The following ABCB1 variants were observed in gnomAD, a reference collection of about 807,000 sequenced individuals.
ABCB1 encodes the protein ATP-dependent translocase ABCB1.
Under a neutral mutation model 142.0 loss-of-function variants are expected in ABCB1, and 69 were observed. That is an observed-to-expected ratio of 0.49 (90% CI 0.40 to 0.59). The LOEUF (loss-of-function observed/expected upper bound fraction) is 0.59, where lower values mean the gene tolerates loss of function less well. Among genes scored for constraint, ABCB1 ranks in the 20% least tolerant of loss-of-function variants. ABCB1 has a pLI of 0.00. For synonymous variants in ABCB1, 532 were observed against 539.2 expected, an observed-to-expected ratio of 0.99 and a Z score of 0.18; for missense variants, 1,326 against 1,554.7, an observed-to-expected ratio of 0.85 and a Z score of 2.47.
intron 1 of ABCB1, among the ~76,000 whole-genome samples, chr7:87,615,031 G>C (rs1819987205): frequency 6.6e-6 from 1 of 152,218 alleles, no homozygotes; most frequent in Middle Eastern, 3.4e-3. Flanking sequence ...ATTTTTAGTA[G>C]AGACGGGGTT....
chr7:87,558,509 T>C (rs2129760934), intron 8 of ABCB1, among the ~76,000 whole-genome samples: 1 of 152,322 alleles, frequency 6.6e-6, no homozygotes, highest in Non-Finnish European at 1.5e-5. Flanking sequence ...TTACTGTTTT[T>C]CTTTTTCGTT....
chr7:87,661,332 G>T (rs1300009744), intron 1 of ABCB1, among the ~76,000 whole-genome samples: 1 of 151,576 alleles, frequency 6.6e-6, no homozygotes, highest in Non-Finnish European at 1.5e-5. Flanking sequence ...TCACCCTGTT[G>T]TGTGATCAAA....
At chr7:87,511,859 G>A (rs1815026159) in intron 25 of ABCB1, among the ~76,000 whole-genome samples, 1 of 152,298 alleles carries the variant, frequency 6.6e-6, no homozygotes, top group South Asian at 2.1e-4. Flanking sequence ...ATCCCAAAGG[G>A]GGTTCTGACT....
At chr7:87,672,400 C>T (rs1825914384) in intron 1 of ABCB1, among the ~76,000 whole-genome samples, 1 of 152,178 alleles carries the variant, frequency 6.6e-6, no homozygotes, top group Non-Finnish European at 1.5e-5. Context: ...CCCCTGGACG[C>T]TCCTCCCTAG....
intron 1 of ABCB1, among the ~76,000 whole-genome samples, chr7:87,711,141 A>G (rs908502496): frequency 1.3e-5 from 2 of 152,042 alleles, no homozygotes; most frequent in South Asian, 4.1e-4. Flanking sequence ...AGCCTGACCA[A>G]CATGGATAAA....
intron 1 of ABCB1, among the ~76,000 whole-genome samples, chr7:87,614,222 C>A (rs1275618510): frequency 2.0e-5 from 3 of 151,952 alleles, no homozygotes; most frequent in Non-Finnish European, 4.4e-5. Context: ...ATAGTGAGAC[C>A]CTGTCTCTAA....
intron 1 of ABCB1, among the ~76,000 whole-genome samples, chr7:87,654,426 C>T (rs1249316534): frequency 1.3e-5 from 2 of 151,940 alleles, no homozygotes; most frequent in African/African-American, 4.8e-5. Flanking sequence ...CAAATAAATC[C>T]ATGCATTTCT....
chr7:87,637,759 C>A (rs1025093800), intron 1 of ABCB1, among the ~76,000 whole-genome samples: 1 of 152,026 alleles, frequency 6.6e-6, no homozygotes, highest in South Asian at 2.1e-4. Context: ...AAATACTGGT[C>A]TTATATCTAA....
intron 1 of ABCB1, among the ~76,000 whole-genome samples, chr7:87,618,757 C>G (rs1055882428): frequency 6.6e-6 from 1 of 152,160 alleles, no homozygotes; most frequent in Non-Finnish European, 1.5e-5. Context: ...GAAATCTAAT[C>G]ACATGAGCCC....
intron 19 of ABCB1, among the ~76,000 whole-genome samples, chr7:87,538,086 C>T: frequency 6.6e-6 from 1 of 152,154 alleles, no homozygotes; most frequent in Non-Finnish European, 1.5e-5. Flanking sequence ...AAGTACTAGA[C>T]CTTGTAAGCA....
At chr7:87,613,231 T>A (rs1444143466) in intron 1 of ABCB1, among the ~76,000 whole-genome samples, 1 of 151,076 alleles carries the variant, frequency 6.6e-6, no homozygotes, top group Non-Finnish European at 1.5e-5. Flanking sequence ...TGGCTTCCTC[T>A]TTTCCAATTT....
At chr7:87,577,766 T>C (rs777904172) in intron 4 of ABCB1, among the ~76,000 whole-genome samples, 3 of 152,210 alleles carry the variant, frequency 2.0e-5, no homozygotes, top group Non-Finnish European at 2.9e-5. Flanking sequence ...CATTTGTTAA[T>C]TGGAGATTTT....
intron 1 of ABCB1, among the ~76,000 whole-genome samples, chr7:87,619,456 T>C (rs1820144865): frequency 2.0e-5 from 3 of 151,770 alleles, no homozygotes; most frequent in Admixed American, 1.3e-4. Flanking sequence ...GGAGAATCAC[T>C]TGAACCCAGG....
Position 87,549,439 on chromosome 7 carries a change from A to G in ABCB1, c.1634T>C (p.Leu545Pro). The G allele has an allele frequency of 6.2e-7, 1 of 1,614,188 alleles. No individual in the cohort carries two copies. Residue 545 changes from leucine to proline, a missense_variant, in exon 14 of 28, where the codon CTG becomes CCG. Transcript: ENST00000622132. ...CAGGAGGATCTTGGGGTTGCGAACCAGGGCACGTGCAATGGCGATCCTCTG... is the reference window on the plus strand; with the variant it reads ...CAGGAGGATCTTGGGGTTGCGAACCGGGGCACGTGCAATGGCGATCCTCTG... The part of the protein sequence containing the change: ...QKQRIAIARA[L>P]VRNPKILLLD...
intron 1 of ABCB1, among the ~76,000 whole-genome samples, chr7:87,689,827 A>G (rs1403353724): frequency 6.6e-6 from 1 of 152,144 alleles, no homozygotes; most frequent in Non-Finnish European, 1.5e-5. Flanking sequence ...CTAGACGTCT[A>G]ATGATAAATT....
chr7:87,693,272 G>T (rs1158353568), intron 1 of ABCB1, among the ~76,000 whole-genome samples: 2 of 152,092 alleles, frequency 1.3e-5, no homozygotes, highest in Non-Finnish European at 2.9e-5. Flanking sequence ...GTTTTTGATA[G>T]AGTAGGCATT....
At chr7:87,676,445 A>G (rs1826364840) in intron 1 of ABCB1, among the ~76,000 whole-genome samples, 1 of 152,146 alleles carries the variant, frequency 6.6e-6, no homozygotes, top group Admixed American at 6.5e-5. Context: ...TCACACCTAT[A>G]ATTCCATCAC....
intron 7 of ABCB1, chr7:87,565,564 T>G: frequency 5.0e-6 from 2 of 399,108 alleles, no homozygotes; most frequent in Non-Finnish European, 1.0e-5. Flanking sequence ...AAAATTTAAC[T>G]GTGTTTGAAT....
chr7:87,595,923 G>A (rs1337270740), intron 2 of ABCB1, 109 bp from the exon 3 acceptor site: 12 of 829,188 alleles, frequency 1.4e-5, no homozygotes, highest in Non-Finnish European at 2.4e-5. Flanking sequence ...GAAGAAATAT[G>A]TCTATATTAT....
Sources: allele counts gnomAD v4.1 joint callset (sites outside exome capture counted in the v4.1 genomes callset), GRCh38; gene constraint gnomAD v4.1.1; transcripts MANE v1.5; gene names NCBI Gene and HGNC (gene_info 2026-07-23, HGNC 2026-07-21).